GLRA3: variants seen among roughly 807,000 people sequenced by gnomAD.
GLRA3 encodes glycine receptor subunit alpha-3.
Under a neutral mutation model 60.4 loss-of-function variants are expected in GLRA3, and 44 were observed. The ratio of observed to expected loss-of-function variants is 0.73; its 90% CI spans 0.57 to 0.94. GLRA3 has a LOEUF of 0.94. Ranked by LOEUF, GLRA3 falls within the 40% of genes least tolerant of loss-of-function variation. The probability of loss-of-function intolerance (pLI) is 0.00; values close to 1 mark genes in which losing one functional copy is unlikely to be tolerated. For missense variants in GLRA3, 508 were observed against 564.6 expected (o/e 0.90, Z 1.02); for synonymous variants, 223 against 192.9 (o/e 1.16, Z -1.29).
chr4:174,751,506 A>G (rs1737483377), intron 3 of GLRA3, among the ~76,000 whole-genome samples: 1 of 152,108 alleles, frequency 6.6e-6, no homozygotes, highest in Non-Finnish European at 1.5e-5. Flanking sequence ...AATAACATCA[A>G]AGAATAAATT....
chr4:174,805,058 A>C (rs1739980776), intron 1 of GLRA3, among the ~76,000 whole-genome samples: 1 of 152,116 alleles, frequency 6.6e-6, no homozygotes, highest in African/African-American at 2.4e-5. Flanking sequence ...TCCCCTGTGC[A>C]AGCTTCCAGC....
At chr4:174,674,733 C>G (rs1480602803) in intron 7 of GLRA3, among the ~76,000 whole-genome samples, 3 of 152,082 alleles carry the variant, frequency 2.0e-5, no homozygotes, top group Non-Finnish European at 4.4e-5. Flanking sequence ...TTCCTACTTC[C>G]TAGAAATTGT....
chr4:174,680,755 G>A (rs1037072526), intron 6 of GLRA3, among the ~76,000 whole-genome samples: 1 of 152,096 alleles, frequency 6.6e-6, no homozygotes, highest in Non-Finnish European at 1.5e-5. Context: ...AAATAAAACT[G>A]AATAAATCCT....
chr4:174,711,867 T>C (rs1579489096), intron 5 of GLRA3, among the ~76,000 whole-genome samples: 1 of 152,238 alleles, frequency 6.6e-6, no homozygotes, highest in East Asian at 1.9e-4. Flanking sequence ...TTCATTTTTC[T>C]TTACCAAATT....
intron 9 of GLRA3, among the ~76,000 whole-genome samples, chr4:174,654,041 A>T (rs1733111131): frequency 6.6e-6 from 1 of 152,116 alleles, no homozygotes; most frequent in African/African-American, 2.4e-5. Context: ...AATCTAAGTT[A>T]TTGGGAAATA....
chr4:174,650,768 T>A (rs1732996571), intron 9 of GLRA3, among the ~76,000 whole-genome samples: 1 of 152,204 alleles, frequency 6.6e-6, no homozygotes, highest in Non-Finnish European at 1.5e-5. Context: ...GGGCCAATGA[T>A]GGACCCTGCA....
chr4:174,779,355 A>T (rs1398346753), intron 2 of GLRA3, among the ~76,000 whole-genome samples: 4 of 152,188 alleles, frequency 2.6e-5, no homozygotes, highest in African/African-American at 4.8e-5. Context: ...AAAACCACAA[A>T]GATGGGGAAA....
intron 1 of GLRA3, among the ~76,000 whole-genome samples, chr4:174,823,950 T>G (rs913962474): frequency 9.2e-5 from 14 of 152,234 alleles, no homozygotes; most frequent in African/African-American, 3.4e-4. Context: ...CTCTGAGTAC[T>G]TTTCCATGTT....
At chr4:174,683,070 G>T in intron 5 of GLRA3, 131 bp from the exon 6 acceptor site, 1 of 654,858 alleles carries the variant, frequency 1.5e-6, no homozygotes, top group Non-Finnish European at 2.6e-6. Context: ...TGTGGATGGA[G>T]CTATTCATTG....
intron 5 of GLRA3, among the ~76,000 whole-genome samples, chr4:174,695,686 G>A (rs1009633464): frequency 4.6e-5 from 7 of 152,092 alleles, no homozygotes; most frequent in African/African-American, 1.4e-4. Context: ...CACAAGACGA[G>A]AATGTCCTCT....
chr4:174,683,518 T>G (rs1017027955), intron 5 of GLRA3, among the ~76,000 whole-genome samples: 2 of 152,110 alleles, frequency 1.3e-5, no homozygotes, highest in African/African-American at 4.8e-5. Flanking sequence ...GCCCTGCTAA[T>G]TTTTGTATTT....
At chr4:174,728,828 T>C (rs1268949026) in intron 3 of GLRA3, 130 bp from the exon 4 acceptor site, 2 of 596,058 alleles carry the variant, frequency 3.4e-6, no homozygotes, top group African/African-American at 3.7e-5. Flanking sequence ...GGACGGGGTG[T>C]ATAGTTAATG....
At chr4:174,784,963 T>C (rs1426469177) in intron 2 of GLRA3, among the ~76,000 whole-genome samples, 4 of 152,094 alleles carry the variant, frequency 2.6e-5, no homozygotes, top group African/African-American at 4.8e-5. Flanking sequence ...AAAGGAAAGA[T>C]AATGTTAATG....
intron 2 of GLRA3, among the ~76,000 whole-genome samples, chr4:174,779,218 C>A (rs552728436): frequency 6.6e-6 from 1 of 152,152 alleles, no homozygotes; most frequent in Non-Finnish European, 1.5e-5. Context: ...ACACCTCACA[C>A]GGCAGGGTAC....
At chr4:174,756,820 A>G (rs1561098613) in intron 3 of GLRA3, among the ~76,000 whole-genome samples, 1 of 151,328 alleles carries the variant, frequency 6.6e-6, no homozygotes, top group East Asian at 2.0e-4. Context: ...AATATTTTGT[A>G]TTTTTTTTAG....
chr4:174,706,455 A>G (rs1403156039), intron 5 of GLRA3, among the ~76,000 whole-genome samples: 2 of 152,208 alleles, frequency 1.3e-5, no homozygotes, highest in African/African-American at 4.8e-5. Context: ...GTAACAACTG[A>G]AAAAGTATAC....
At chr4:174,761,438 G>A (rs1737941248) in intron 3 of GLRA3, among the ~76,000 whole-genome samples, 1 of 152,072 alleles carries the variant, frequency 6.6e-6, no homozygotes, top group Non-Finnish European at 1.5e-5. Flanking sequence ...TGGACCCTCA[G>A]ATCCTTCCTT....
chr4:174,648,467 G>C (rs1561031060), intron 9 of GLRA3, among the ~76,000 whole-genome samples: 1 of 152,058 alleles, frequency 6.6e-6, no homozygotes, highest in African/African-American at 2.4e-5. Context: ...CTCCATCTCA[G>C]AATCAATCAA....
chr4:174,671,612 CTT>C (rs1273091913), intron 7 of GLRA3, among the ~76,000 whole-genome samples: 13 of 149,926 alleles, frequency 8.7e-5, no homozygotes, highest in Admixed American at 2.6e-4. Context: ...AGAATGAAAA[CTT>C]AATATAATAT....
Sources: allele counts gnomAD v4.1 joint callset (sites outside exome capture counted in the v4.1 genomes callset), GRCh38; gene constraint gnomAD v4.1.1; transcripts MANE v1.5; gene names NCBI Gene and HGNC (gene_info 2026-07-23, HGNC 2026-07-21).